TOGARAM1: variants seen among roughly 807,000 people sequenced by gnomAD.
TOGARAM1 encodes TOG array regulator of axonemal microtubules 1, also known as TOG array regulator of axonemal microtubules protein 1.
Under a neutral mutation model 166.6 loss-of-function variants are expected in TOGARAM1, and 100 were observed. That is an observed-to-expected ratio of 0.60 (90% confidence interval 0.51 to 0.71). The LOEUF (loss-of-function observed/expected upper bound fraction) is 0.71. Among genes scored for constraint, TOGARAM1 ranks in the 30% least tolerant of loss-of-function variants. The probability of loss-of-function intolerance (pLI) is 0.00; values close to 1 mark genes in which losing one functional copy is unlikely to be tolerated. For missense variants in TOGARAM1, 2,029 were observed against 2,102.7 expected, an observed-to-expected ratio of 0.96 and a Z score of 0.69; for synonymous variants, 758 against 763.8, an observed-to-expected ratio of 0.99 and a Z score of 0.13.
At chr14:45,025,237 C>A (rs1880760824) in intron 7 of TOGARAM1, among the ~76,000 whole-genome samples, 1 of 152,016 alleles carries the variant, frequency 6.6e-6, no homozygotes, top group Admixed American at 6.6e-5. Flanking sequence ...CGCTTGTATG[C>A]CTCTCACACC....
rs565548299 is a variant in TOGARAM1, at chr14:45,026,576, T to G, written c.3328+704T>G. ...TCATTTATTCGCTCCACATAAATGCTTTAGAAACTTTCAACTCTGCATGTA... is the reference window on the plus strand; with the variant it reads ...TCATTTATTCGCTCCACATAAATGCGTTAGAAACTTTCAACTCTGCATGTA... On this transcript the variant is annotated intron_variant, in intron 8 of 19. Transcript: ENST00000361462. 5.1e-4 allele frequency among the ~76,000 whole-genome samples: 78 copies of G among 152,292 alleles called. 1 individual carries two copies. In the South Asian group the frequency reaches 0.016, roughly 31 times the overall value.
intron 1 of TOGARAM1, among the ~76,000 whole-genome samples, chr14:44,976,283 T>TA (rs1198308820): frequency 6.6e-6 from 1 of 152,222 alleles, no homozygotes. Flanking sequence ...TTTCTGGCCT[T>TA]ACATATGCTG....
chr14:45,032,337 C>G lies in TOGARAM1; in HGVS notation c.3773C>G (p.Ala1258Gly). Residue 1258 changes from alanine to glycine, a missense_variant, in exon 11 of 20, where the codon GCA becomes GGA. Around this residue, in one of 2 missense-constraint regions of TOGARAM1, gnomAD observed 576 missense variants for 670.5 expected, o/e 0.86. Coordinates refer to ENST00000361462, the MANE Select transcript of TOGARAM1 (RefSeq NM_001308120.2). ...CGACCATTCTCTAAACCAGAAATAG[C>G]ACTGACAGAAGCCCTGAGGCTTTTG... ...ELRPFSKPEI[A>G]LTEALRLLAD... The G allele has an allele frequency of 6.2e-7, 1 of 1,614,000 alleles. No homozygotes were observed. Among genetic ancestry groups the G allele is most frequent in the Non-Finnish European group, 8.5e-7 (1 of 1,179,966 alleles).
chr14:45,016,557 A>AT (rs1264129391), intron 7 of TOGARAM1, among the ~76,000 whole-genome samples: 1 of 152,086 alleles, frequency 6.6e-6, no homozygotes, highest in East Asian at 1.9e-4. Context: ...CACCCAGTGA[A>AT]TTTTTTAATT....
In TOGARAM1 at chr14:45,073,388, A is replaced by T; in HGVS notation, c.5149A>T (p.Ser1717Cys). ...LWHLLGNMTN[S>C]GSLPGAGGNI... ...GCATCTCTTAGGAAATATGACAAAT[A>T]GTGGCTCTCTGCCTGGAGCTGGAGG... Residue 1717 changes from serine to cysteine, a missense_variant, in exon 20 of 20, where the codon AGT becomes TGT. Around this residue, in one of 2 missense-constraint regions of TOGARAM1, gnomAD observed 576 missense variants for 670.5 expected, o/e 0.86. Coordinates refer to ENST00000361462, the MANE Select transcript of TOGARAM1 (RefSeq NM_001308120.2). 1 of 1,614,194 alleles carries T rather than the reference A, an allele frequency of 6.2e-7. No individual in the cohort carries two copies. The highest frequency in any genetic ancestry group is 2.2e-5 in the East Asian group (1 of 44,886).
At position 45,044,666 on chromosome 14, in the gene TOGARAM1, C is replaced by T. The variant is rs757594027; in HGVS notation, c.3950C>T (p.Ala1317Val). 6.2e-7 allele frequency: 1 copy of T among 1,607,634 alleles called. No homozygotes were observed. The highest frequency in any genetic ancestry group is 1.7e-5 in the Admixed American group (1 of 59,150). The change falls in exon 13 of 20, where the codon GCT (alanine) becomes GTT (valine). Residue 1317 changes from alanine to valine, a missense_variant. By Grantham distance (64) the Ala-to-Val change is moderately conservative (BLOSUM62 0). Coordinates refer to ENST00000361462, the MANE Select transcript of TOGARAM1 (RefSeq NM_001308120.2). ...VKNLRSGVSR[A>V]AVVCLSDLFT... Reference sequence around the variant, plus strand: ...AATTTACGTTCTGGAGTTTCTCGTGCTGCTGTGGTCTGTTTAAGTGATCTT... The same window carrying T: ...AATTTACGTTCTGGAGTTTCTCGTGTTGCTGTGGTCTGTTTAAGTGATCTT...
chr14:45,071,332 CTG>C (rs1883372286), intron 18 of TOGARAM1, among the ~76,000 whole-genome samples: 1 of 141,872 alleles, frequency 7.0e-6, no homozygotes, highest in African/African-American at 2.6e-5. Context: ...TCCTTTAAAA[CTG>C]TGTGAGGTAT....
intron 1 of TOGARAM1, among the ~76,000 whole-genome samples, chr14:44,991,076 A>G (rs1409396144): frequency 6.8e-6 from 1 of 146,056 alleles, no homozygotes; most frequent in East Asian, 2.0e-4. Context: ...CTCCCACCTC[A>G]GCCTCCTAAG....
intron 2 of TOGARAM1, among the ~76,000 whole-genome samples, chr14:44,998,407 T>C (rs574256712): frequency 9.9e-5 from 15 of 152,260 alleles, no homozygotes; most frequent in African/African-American, 3.6e-4. Flanking sequence ...AGAAAAGAGA[T>C]TGAGCTTGAC....
At chr14:45,059,463 C>T (rs1764208709) in intron 16 of TOGARAM1, among the ~76,000 whole-genome samples, 1 of 152,176 alleles carries the variant, frequency 6.6e-6, no homozygotes, top group Non-Finnish European at 1.5e-5. Context: ...GCCTAGGCAA[C>T]ATGGAGAAAC....
intron 16 of TOGARAM1, among the ~76,000 whole-genome samples, chr14:45,064,046 A>G (rs1157131386): frequency 6.6e-6 from 1 of 151,696 alleles, no homozygotes; most frequent in Non-Finnish European, 1.5e-5. Flanking sequence ...CTACTTTTTA[A>G]TGTCTCCTCT....
chr14:44,992,301 T>C (rs1174261076), intron 1 of TOGARAM1, among the ~76,000 whole-genome samples: 1 of 152,020 alleles, frequency 6.6e-6, no homozygotes, highest in Non-Finnish European at 1.5e-5. Flanking sequence ...GTAACTGTGG[T>C]TAATGGGAAT....
At chr14:45,038,068 C>T (rs571263331) in intron 11 of TOGARAM1, among the ~76,000 whole-genome samples, 1 of 152,158 alleles carries the variant, frequency 6.6e-6, no homozygotes, top group Non-Finnish European at 1.5e-5. Flanking sequence ...TTGGACAACA[C>T]TTCTTTGTAT....
At chr14:45,036,363 C>T (rs1205474910) in intron 11 of TOGARAM1, among the ~76,000 whole-genome samples, 2 of 151,954 alleles carry the variant, frequency 1.3e-5, no homozygotes, top group Non-Finnish European at 2.9e-5. Context: ...ATGAACTAAA[C>T]ACCCTAGTGA....
At chr14:44,984,005 T>TAGTG (rs1186432004) in intron 1 of TOGARAM1, among the ~76,000 whole-genome samples, 1 of 152,198 alleles carries the variant, frequency 6.6e-6, no homozygotes, top group Non-Finnish European at 1.5e-5. Flanking sequence ...CTTGCATGAA[T>TAGTG]AGTGGGTAAA....
At chr14:45,060,531 T>C (rs575250809) in intron 16 of TOGARAM1, among the ~76,000 whole-genome samples, 33 of 152,256 alleles carry the variant, frequency 2.2e-4, no homozygotes, top group South Asian at 1.0e-3. Flanking sequence ...TGCAAAATGT[T>C]ATTCTCCTTC....
At chr14:45,045,567 ATATATATATATATATATGTGTGTG>A (rs1235618282) in intron 13 of TOGARAM1, among the ~76,000 whole-genome samples, 4 of 41,506 alleles carry the variant, frequency 9.6e-5, no homozygotes, top group African/African-American at 3.0e-4. Flanking sequence ...ATATATATAT[ATATATATATATATATATGTGTGTG>A]TGTGTGTGTG....
At chr14:44,986,050 T>C (rs1377278825) in intron 1 of TOGARAM1, among the ~76,000 whole-genome samples, 1 of 152,230 alleles carries the variant, frequency 6.6e-6, no homozygotes, top group Non-Finnish European at 1.5e-5. Flanking sequence ...GTTGAAGACA[T>C]GATTTTACAA....
At chr14:44,977,297 T>C (rs1255198548) in intron 1 of TOGARAM1, among the ~76,000 whole-genome samples, 7 of 150,144 alleles carry the variant, frequency 4.7e-5, no homozygotes, top group African/African-American at 9.9e-5. Context: ...TGTAGTAGTG[T>C]GATCTCAGCT....
Sources: allele counts gnomAD v4.1 joint callset (sites outside exome capture counted in the v4.1 genomes callset), GRCh38; gene constraint gnomAD v4.1.1; regional missense constraint gnomAD v4.1.1; transcripts MANE v1.5; gene names NCBI Gene and HGNC (gene_info 2026-07-23, HGNC 2026-07-21).